Variants in SCAND3 observed in about 807,000 individuals in gnomAD.
SCAND3 encodes SCAN domain-containing protein 3.
chr6:28,609,078 A>G, the SCAND3 span, among the ~76,000 whole-genome samples: 1 of 152,220 alleles, frequency 6.6e-6, no homozygotes, highest in African/African-American at 2.4e-5. Flanking sequence ...GGGATCAAAT[A>G]CATTTAAATT....
At chr6:28,571,698 G>A in the SCAND3 span, 1 of 441,320 alleles carries the variant, frequency 2.3e-6, no homozygotes, top group Non-Finnish European at 3.9e-6. Flanking sequence ...CGACAAATAT[G>A]AGGAAAAATA....
At chr6:28,604,438 G>A in the SCAND3 span, among the ~76,000 whole-genome samples, 1 of 151,890 alleles carries the variant, frequency 6.6e-6, no homozygotes, top group African/African-American at 2.4e-5. Context: ...CCAACAAGGT[G>A]AAACCCGTCT....
the SCAND3 span, chr6:28,574,552 C>T: frequency 8.8e-7 from 1 of 1,141,220 alleles, no homozygotes; most frequent in Non-Finnish European, 1.3e-6. Context: ...TAAAAATGTG[C>T]TTTCATATAC....
chr6:28,594,249 T>C, the SCAND3 span: 2 of 152,244 alleles, frequency 1.3e-5, no homozygotes, highest in Non-Finnish European at 2.9e-5. Flanking sequence ...GAATATATCC[T>C]AAGGAATTGA....
At chr6:28,583,435 T>A in the SCAND3 span, among the ~76,000 whole-genome samples, 1 of 152,132 alleles carries the variant, frequency 6.6e-6, no homozygotes, top group Non-Finnish European at 1.5e-5. Context: ...TGGAAAGATA[T>A]AATCATCAAA....
the SCAND3 span, chr6:28,572,942 C>T: frequency 6.2e-7 from 1 of 1,613,866 alleles, no homozygotes; most frequent in South Asian, 1.1e-5. The surrounding 1 kb of genome is among the most constrained non-coding windows in gnomAD (Gnocchi z 4.1). Context: ...TGGGTTACCA[C>T]TTCAGAATGT....
At chr6:28,589,848 TTTTG>T in the SCAND3 span, 4 of 132,090 alleles carry the variant, frequency 3.0e-5, no homozygotes, top group African/African-American at 9.0e-5. Flanking sequence ...TTGTTTGTTT[TTTTG>T]TTTGTTTTTT....
At chr6:28,595,752 T>G in the SCAND3 span, among the ~76,000 whole-genome samples, 1 of 151,824 alleles carries the variant, frequency 6.6e-6, no homozygotes, top group Non-Finnish European at 1.5e-5. Flanking sequence ...AAGAAAATTC[T>G]AGATGAATGG....
chr6:28,587,728 G>C, the SCAND3 span: 1 of 151,596 alleles, frequency 6.6e-6, no homozygotes, highest in Non-Finnish European at 1.5e-5. Context: ...GACTTAAAAA[G>C]AAATGTAAGA....
the SCAND3 span, among the ~76,000 whole-genome samples, chr6:28,603,491 C>T: frequency 2.6e-5 from 4 of 152,092 alleles, no homozygotes; most frequent in East Asian, 3.9e-4. Context: ...TGTTATAACA[C>T]AGTTTCAGTA....
the SCAND3 span, among the ~76,000 whole-genome samples, chr6:28,581,385 G>T: frequency 6.6e-6 from 1 of 152,106 alleles, no homozygotes; most frequent in East Asian, 1.9e-4. Flanking sequence ...TTGTAATATG[G>T]TAGAGTAAAT....
the SCAND3 span, chr6:28,573,876 C>A: frequency 6.7e-7 from 1 of 1,484,550 alleles, no homozygotes; most frequent in South Asian, 1.4e-5. Context: ...TTTCCTCCTT[C>A]AGCTAACAGT....
chr6:28,586,479 C>T, the SCAND3 span: 6 of 1,614,084 alleles, frequency 3.7e-6, no homozygotes, highest in Non-Finnish European at 5.1e-6. The surrounding 1 kb of genome is among the most constrained non-coding windows in gnomAD (Gnocchi z 4.4). Context: ...TGGGTTCAGC[C>T]ACTGACGGCA....
At chr6:28,595,330 C>CAAAAAAAAAAAA in the SCAND3 span, among the ~76,000 whole-genome samples, 21 of 37,308 alleles carry the variant, frequency 5.6e-4, 1 homozygote, top group African/African-American at 1.3e-3. Flanking sequence ...AACCCAGTCT[C>CAAAAAAAAAAAA]AAAAAAAAAA....
the SCAND3 span, chr6:28,579,167 T>C: frequency 9.7e-7 from 1 of 1,032,196 alleles, no homozygotes; most frequent in Non-Finnish European, 1.4e-6. This position sits in a 1 kb window ranked among gnomAD's most constrained non-coding sequence, Gnocchi z 4.5. Flanking sequence ...CAACTATTAA[T>C]ACATTCAGTA....
chr6:28,581,337 C>CAAAT, the SCAND3 span, among the ~76,000 whole-genome samples: 1 of 151,942 alleles, frequency 6.6e-6, no homozygotes, highest in East Asian at 1.9e-4. Context: ...GATTCCATCT[C>CAAAT]AAATAAATAA....
At chr6:28,592,484 T>A in the SCAND3 span, among the ~76,000 whole-genome samples, 1 of 152,204 alleles carries the variant, frequency 6.6e-6, no homozygotes, top group African/African-American at 2.4e-5. The surrounding 1 kb of genome is among the most constrained non-coding windows in gnomAD (Gnocchi z 4.1). Context: ...TTAATATCGT[T>A]AAAATGTCTA....
the SCAND3 span, among the ~76,000 whole-genome samples, chr6:28,607,481 A>C: frequency 6.6e-6 from 1 of 151,724 alleles, no homozygotes; most frequent in Non-Finnish European, 1.5e-5. Context: ...AAACAGAAAA[A>C]ATATAAAAAT....
the SCAND3 span, among the ~76,000 whole-genome samples, chr6:28,596,623 T>C: frequency 6.7e-6 from 1 of 149,942 alleles, no homozygotes; most frequent in Non-Finnish European, 1.5e-5. Flanking sequence ...ATAAAAAATA[T>C]ATATTTTTTT....
Sources: gnomAD v4.1 joint callset for allele counts (sites outside exome capture counted in the v4.1 genomes callset) on GRCh38, gnomAD v4.1.1 for gene constraint, Gnocchi (gnomAD v3.1) non-coding constraint, MANE v1.5 for transcripts, NCBI Gene and HGNC (gene_info 2026-07-23, HGNC 2026-07-21) for gene names.